The following ZNF860 variants were observed in gnomAD, a reference collection of about 807,000 sequenced individuals.
The protein encoded by ZNF860 is zinc finger protein 860.
For missense variants in ZNF860, 641 were observed against 759.2 expected (o/e 0.84, Z 1.83); for synonymous variants, 206 against 248.9 (o/e 0.83, Z 1.62).
chr3:31,984,912 A>G (rs1698912496), intron 1 of ZNF860, among the ~76,000 whole-genome samples: 1 of 152,200 alleles, frequency 6.6e-6, no homozygotes, highest in Admixed American at 6.5e-5. Flanking sequence ...TTTTACTGTC[A>G]TAATTTTGCA....
At chr3:31,996,778 A>G in the ZNF860 span, among the ~76,000 whole-genome samples, 2 of 152,218 alleles carry the variant, frequency 1.3e-5, no homozygotes, top group African/African-American at 4.8e-5. Flanking sequence ...TATCAACTCC[A>G]GAGAGTGCAG....
Position 31,990,073 on chromosome 3 carries a change from C to T in ZNF860, c.994C>T (p.His332Tyr). The change falls in exon 2 of 2, where the codon CAT (histidine) becomes TAT (tyrosine). Residue 332 changes from histidine (H) to tyrosine (Y), a missense_variant. Physicochemically the swap from His to Tyr is moderately conservative, Grantham distance 83 (BLOSUM62 2). Transcript: ENST00000360311. ...TAGTCGCAAATCAAATCTTGAAAGA[C>T]ATAGGAGAATTCATACTGGAGAGAA... ...VFSRKSNLERHRRIHTGEKPY... is the reference protein window; with the variant it reads ...VFSRKSNLERYRRIHTGEKPY... The T allele has an allele frequency of 1.2e-6, 2 of 1,613,968 alleles. No homozygotes were observed. The highest frequency in any genetic ancestry group is 1.7e-6 in the Non-Finnish European group (2 of 1,179,928).
chr3:32,002,514 G>A, the ZNF860 span, among the ~76,000 whole-genome samples: 1 of 152,162 alleles, frequency 6.6e-6, no homozygotes, highest in Admixed American at 6.5e-5. Flanking sequence ...TGTTTGCTGG[G>A]AAGCAATAAG....
chr3:31,990,402 C>T lies in ZNF860; in HGVS notation c.1323C>T (p.Leu441=), dbSNP rs765588783. The change falls in exon 2 of 2, where the codon CTC becomes CTT. Residue 441 remains leucine, a synonymous_variant. Transcript: ENST00000360311. ...AATTTTTTAGACGTCGTTCATATCT[C>T]GTAGTTCATTGGCGAACTCATACTG... ...CGKFFRRRSY[L]VVHWRTHTGE... 18 of 1,613,718 alleles carry T rather than the reference C, an allele frequency of 1.1e-5. No individual in the cohort carries two copies. The highest frequency in any genetic ancestry group is 1.4e-5 in the Non-Finnish European group (17 of 1,179,918).
Position 31,990,736 on chromosome 3 carries a change from C to T in ZNF860, c.1657C>T (p.His553Tyr). The change falls in exon 2 of 2, where the codon CAT becomes TAT. Residue 553 changes from histidine (H) to tyrosine (Y), a missense_variant. Transcript: ENST00000360311. The part of the protein sequence containing the change: ...CDTVFSRKSH[H>Y]ETHKRIHTGE... ...CACAGTTTTCAGTCGCAAATCACAC[C>T]ATGAAACACATAAGAGAATTCATAC... 6.2e-7 allele frequency: 1 copy of T among 1,613,964 alleles called. No homozygotes were observed. The highest frequency in any genetic ancestry group is 1.1e-5 in the South Asian group (1 of 91,060).
chr3:32,001,738 TAA>T, the ZNF860 span, among the ~76,000 whole-genome samples: 1 of 144,204 alleles, frequency 6.9e-6, no homozygotes, highest in African/African-American at 2.5e-5. Context: ...ATATCAAGTG[TAA>T]AAAAAAAAAG....
the ZNF860 span, among the ~76,000 whole-genome samples, chr3:32,004,810 G>C: frequency 6.6e-6 from 1 of 152,172 alleles, no homozygotes; most frequent in Non-Finnish European, 1.5e-5. Flanking sequence ...CCATGTTTTA[G>C]ACCAAAGAAA....
downstream of ZNF860, among the ~76,000 whole-genome samples, chr3:31,995,878 G>A (rs910113151): frequency 2.0e-5 from 3 of 152,174 alleles, no homozygotes; most frequent in East Asian, 1.9e-4. Context: ...TGTGATCAAT[G>A]CAGTGCAAAG....
chr3:31,999,583 A>G, the ZNF860 span, among the ~76,000 whole-genome samples: 4 of 152,088 alleles, frequency 2.6e-5, no homozygotes, highest in South Asian at 8.3e-4. Flanking sequence ...CTGGTCTCGA[A>G]CTTCCTACCT....
chr3:31,984,348 G>T (rs1002568650), intron 1 of ZNF860, among the ~76,000 whole-genome samples: 6 of 145,546 alleles, frequency 4.1e-5, no homozygotes, highest in African/African-American at 1.0e-4. Context: ...CCCACCTAAG[G>T]TTTTTTTTTT....
the ZNF860 span, among the ~76,000 whole-genome samples, chr3:32,003,444 C>G: frequency 6.6e-6 from 1 of 152,318 alleles, no homozygotes. Context: ...TGCCCTGAAC[C>G]ATCCCATCCT....
downstream of ZNF860, among the ~76,000 whole-genome samples, chr3:31,994,545 G>T (rs1699069466): frequency 6.6e-6 from 1 of 152,030 alleles, no homozygotes; most frequent in Admixed American, 6.6e-5. Flanking sequence ...TGGTCTGCCA[G>T]CCTAACTGCA....
Position 31,991,330 on chromosome 3 carries a change from T to C in ZNF860, c.*352T>C. 1 of 223,992 alleles carries C rather than the reference T, an allele frequency of 4.5e-6. No homozygotes were observed. Among genetic ancestry groups the C allele is most frequent in the South Asian group, 1.1e-4 (1 of 8,970 alleles). 13.9% of individuals were successfully genotyped at this position (223,992 alleles called of 1,614,324 possible). A position where few individuals can be genotyped will look rare whatever the true frequency, so the allele number is the denominator to read the frequency against. Reference sequence around the variant, plus strand: ...GGATTTTTATGGGTATTGTGTTGAATCTAAATCACATTGGGTTATATAATC... The same window carrying C: ...GGATTTTTATGGGTATTGTGTTGAACCTAAATCACATTGGGTTATATAATC... On this transcript the variant is annotated 3_prime_UTR_variant, in exon 2 of 2. Transcript: ENST00000360311.
At position 31,990,041 on chromosome 3, in the gene ZNF860, A is replaced by G; in HGVS notation, c.962A>G (p.Lys321Arg). Residue 321 changes from lysine (K) to arginine (R), a missense_variant, in exon 2 of 2, where the codon AAA becomes AGA. Coordinates refer to ENST00000360311, the MANE Select transcript of ZNF860 (RefSeq NM_001137674.3). ...CCTTACAAATGTGAAGAATGTGACA[A>G]AGTTTTTAGTCGCAAATCAAATCTT... ...EKPYKCEECD[K>R]VFSRKSNLER... is the part of the protein sequence containing the mutation. The G allele has an allele frequency of 6.2e-7, 1 of 1,614,074 alleles. No homozygotes were observed. Among genetic ancestry groups the G allele is most frequent in the Non-Finnish European group, 8.5e-7 (1 of 1,179,964 alleles).
In ZNF860 at chr3:31,989,042, G is replaced by A. The variant is rs772192892; in HGVS notation, c.-38G>A. The stretch of plus-strand genomic sequence containing the variant: ...AGAGCAGGAAGCAGATCGCCTCAGT[G>A]AAGGTCACACTGCAGCACTATTGAT... On this transcript the variant is annotated 5_prime_UTR_variant, in exon 2 of 2. Coordinates refer to ENST00000360311, the MANE Select transcript of ZNF860 (RefSeq NM_001137674.3). 1.9e-6 allele frequency: 3 copies of A among 1,610,988 alleles called. No individual in the cohort carries two copies. The highest frequency in any genetic ancestry group is 1.7e-5 in the Admixed American group (1 of 59,666).
At chr3:32,006,393 A>G in the ZNF860 span, among the ~76,000 whole-genome samples, 1 of 152,166 alleles carries the variant, frequency 6.6e-6, no homozygotes, top group African/African-American at 2.4e-5. Context: ...CCCTTTCTGT[A>G]AGCCAGTTGT....
intron 1 of ZNF860, among the ~76,000 whole-genome samples, chr3:31,983,893 G>A (rs919150668): frequency 6.6e-6 from 1 of 152,196 alleles, no homozygotes; most frequent in African/African-American, 2.4e-5. Flanking sequence ...CATCTTGCTT[G>A]TTACCCGGAA....
Position 31,990,782 on chromosome 3 carries a change from G to A in ZNF860, c.1703G>A (p.Cys568Tyr), listed in dbSNP as rs56045544. The A allele has an allele frequency of 1.9e-6, 3 of 1,612,890 alleles. No homozygotes were observed. The highest frequency in any genetic ancestry group is 2.5e-6 in the Non-Finnish European group (3 of 1,179,370). ...CATACTGGAGAGAAACCTTACAAAT[G>A]TGATGATTTTGACGAGGCCTTCAGT... ...RIHTGEKPYKCDDFDEAFSQA... is the reference protein window; with the variant it reads ...RIHTGEKPYKYDDFDEAFSQA... Residue 568 changes from cysteine (C) to tyrosine (Y), a missense_variant, in exon 2 of 2, where the codon TGT becomes TAT. Physicochemically the swap from Cys to Tyr is radical, Grantham distance 194. Transcript: ENST00000360311.
the ZNF860 span, among the ~76,000 whole-genome samples, chr3:31,998,990 G>A: frequency 2.6e-5 from 4 of 152,158 alleles, no homozygotes; most frequent in Non-Finnish European, 4.4e-5. Context: ...ACACAAGGTC[G>A]AAGAAGATGT....
Sources: gnomAD v4.1 joint callset for allele counts (sites outside exome capture counted in the v4.1 genomes callset) on GRCh38, gnomAD v4.1.1 for gene constraint, MANE v1.5 for transcripts, NCBI Gene and HGNC (gene_info 2026-07-23, HGNC 2026-07-21) for gene names.